ANK2: variants seen among roughly 807,000 people sequenced by gnomAD.
ANK2 encodes ankyrin-2.
ANK2 carries 83 observed loss-of-function variants against 360.5 expected under a neutral mutation model. That is an observed-to-expected ratio of 0.23 (90% CI 0.19 to 0.28). The LOEUF (loss-of-function observed/expected upper bound fraction) is 0.28. ANK2 is among the 10% of genes least tolerant of loss of function. The pLI, the probability that ANK2 is intolerant of heterozygous loss-of-function variation, is 1.00. For missense variants in ANK2, 4,201 were observed against 4,795.7 expected, an observed-to-expected ratio of 0.88 and a Z score of 3.66; for synonymous variants, 1,740 against 1,759.5, an observed-to-expected ratio of 0.99 and a Z score of 0.28.
rs948019225 is a variant in ANK2 at position 113,095,558 on chromosome 4, C to G, written c.84+45746C>G. Among the ~76,000 whole-genome samples, 5 of 152,016 alleles carry G rather than the reference C, an allele frequency of 3.3e-5. No individual in the cohort carries two copies. The South Asian group carries it at 1.0e-3, about 32-fold the overall frequency. On this transcript the variant is annotated intron_variant, in intron 1 of 45. Transcript: ENST00000357077. The stretch of plus-strand genomic sequence containing the variant: ...TTCTGGCATGTCCTATCTCTTTATT[C>G]TTTCTTTCTATTATTCTATTGTTAT...
chr4:112,828,232 C>CTTTTTTT (rs751771907), intron 1 of ANK2, among the ~76,000 whole-genome samples: 9 of 109,576 alleles, frequency 8.2e-5, no homozygotes, highest in East Asian at 2.7e-4. Flanking sequence ...GAATTACGGA[C>CTTTTTTT]TTTTTTTTTT....
In ANK2 at chr4:113,288,400, C is replaced by T; in HGVS notation, c.2191C>T (p.Pro731Ser). Residue 731 changes from proline to serine, a missense_variant, in exon 20 of 46, where the codon CCT becomes TCT. Around this residue, in one of 4 missense-constraint regions of ANK2, gnomAD observed 1,268 missense variants for 1,650.8 expected, o/e 0.77. Transcript: ENST00000357077. ...QDAHTKLGYTPLIVACHYGNV... is the reference protein window; with the variant it reads ...QDAHTKLGYTSLIVACHYGNV... ...TTATTATTTACAGCTTGGTTACACA[C>T]CTTTAATTGTGGCCTGTCACTATGG... is the stretch of plus-strand genomic sequence containing the variant. 1 of 1,613,712 alleles carries T rather than the reference C, an allele frequency of 6.2e-7. No individual in the cohort carries two copies. Among genetic ancestry groups the T allele is most frequent in the Non-Finnish European group, 8.5e-7 (1 of 1,179,710 alleles).
At chr4:113,325,082 G>C (rs2089001348) in intron 26 of ANK2, among the ~76,000 whole-genome samples, 1 of 152,082 alleles carries the variant, frequency 6.6e-6, no homozygotes. Flanking sequence ...TCACAATTTA[G>C]AAAACTTCAA....
chr4:113,264,219 A>G (rs2054637361), intron 13 of ANK2, among the ~76,000 whole-genome samples: 1 of 152,250 alleles, frequency 6.6e-6, no homozygotes, highest in South Asian at 2.1e-4. Flanking sequence ...CAGATACAAA[A>G]TAATATTTTA....
At chr4:113,135,375 ATGGATCCATCAC>A (rs1394513447) in intron 1 of ANK2, among the ~76,000 whole-genome samples, 1 of 151,874 alleles carries the variant, frequency 6.6e-6, no homozygotes, top group Non-Finnish European at 1.5e-5. Flanking sequence ...GGATCTAGTG[ATGGATCCATCAC>A]TGGAAAAGGG....
chr4:113,336,291 G>GA (rs2093518933), intron 30 of ANK2: 1 of 474,076 alleles, frequency 2.1e-6, no homozygotes, highest in Non-Finnish European at 3.5e-6. Flanking sequence ...TTTTCTTCTT[G>GA]TAAAAAAAAA....
At chr4:112,810,182 T>TTTTTTTTTTTTTTTG in the ANK2 span, among the ~76,000 whole-genome samples, 1 of 111,792 alleles carries the variant, frequency 8.9e-6, no homozygotes, top group African/African-American at 3.3e-5. Context: ...TTTTTTTTTT[T>TTTTTTTTTTTTTTTG]GTAGCAATGG....
chr4:113,242,673 AG>A (rs1385250022), intron 9 of ANK2, among the ~76,000 whole-genome samples: 5 of 152,210 alleles, frequency 3.3e-5, no homozygotes, highest in Non-Finnish European at 7.4e-5. Context: ...TGACCTGAGC[AG>A]GGGATTTGCT....
chr4:112,906,446 G>T (rs2085255032), intron 2 of ANK2, among the ~76,000 whole-genome samples: 1 of 152,180 alleles, frequency 6.6e-6, no homozygotes, highest in Admixed American at 6.5e-5. Context: ...GGATAGGGAA[G>T]TTGGGATGAG....
chr4:112,908,672 A>G (rs2086088069), intron 2 of ANK2, among the ~76,000 whole-genome samples: 1 of 152,180 alleles, frequency 6.6e-6, no homozygotes, highest in African/African-American at 2.4e-5. Context: ...AGGGCTTAGG[A>G]CTTATGCCAC....
chr4:113,205,569 T>C (rs889178483), intron 4 of ANK2, among the ~76,000 whole-genome samples: 1 of 152,196 alleles, frequency 6.6e-6, no homozygotes, highest in Non-Finnish European at 1.5e-5. Context: ...TTCCTATTTA[T>C]AACTCAAGGA....
At chr4:112,742,592 C>G in the ANK2 span, among the ~76,000 whole-genome samples, 2 of 152,154 alleles carry the variant, frequency 1.3e-5, no homozygotes, top group African/African-American at 4.8e-5. Flanking sequence ...ATCAGATTTA[C>G]TTTTGCTTCT....
chr4:113,135,039 G>A (rs1288599367), intron 1 of ANK2, among the ~76,000 whole-genome samples: 3 of 152,160 alleles, frequency 2.0e-5, no homozygotes, highest in Non-Finnish European at 4.4e-5. Context: ...AGAATGGAGA[G>A]CTCCACCTGG....
chr4:112,867,755 A>T (rs186892933), intron 1 of ANK2, among the ~76,000 whole-genome samples: 1 of 151,954 alleles, frequency 6.6e-6, no homozygotes, highest in Non-Finnish European at 1.5e-5. Context: ...TTTGTGGCTG[A>T]ATAATATTCC....
chr4:113,191,527 C>T (rs1386394105), intron 2 of ANK2, among the ~76,000 whole-genome samples: 1 of 152,200 alleles, frequency 6.6e-6, no homozygotes, highest in Non-Finnish European at 1.5e-5. Context: ...TACGTTAATA[C>T]TTTTGCTAGC....
chr4:112,781,657 T>A, the ANK2 span, among the ~76,000 whole-genome samples: 12 of 152,070 alleles, frequency 7.9e-5, no homozygotes, highest in Admixed American at 2.0e-4. Flanking sequence ...TTTTTACAGG[T>A]GCTTATTACA....
rs1019733333 is a variant in ANK2 at position 113,309,983 on chromosome 4, C to A, written c.2549-1272C>A. Among the ~76,000 whole-genome samples, 4 of 152,312 alleles carry A rather than the reference C, an allele frequency of 2.6e-5. No individual in the cohort carries two copies. The South Asian group carries it at 6.2e-4, about 24-fold the overall frequency. On this transcript the variant is annotated intron_variant, in intron 23 of 45. Transcript: ENST00000357077. ...GGTTGATTTGCATGTTCTACCTGAT[C>A]AAATGCTGTGTCTTGCTCCTTCAGA...
chr4:113,307,043 A>G (rs977594753), intron 23 of ANK2, among the ~76,000 whole-genome samples: 1 of 152,160 alleles, frequency 6.6e-6, no homozygotes, highest in Non-Finnish European at 1.5e-5. Context: ...GGGCTCAGAG[A>G]TTTTGGCATC....
chr4:113,048,424 T>A (rs1284380006), upstream of ANK2, among the ~76,000 whole-genome samples: 7 of 123,994 alleles, frequency 5.6e-5, no homozygotes, highest in Admixed American at 9.4e-5. Flanking sequence ...TCCCCACACC[T>A]GGCTAATTTT....
Sources: gnomAD v4.1 joint callset for allele counts (sites outside exome capture counted in the v4.1 genomes callset) on GRCh38, gnomAD v4.1.1 for gene constraint, gnomAD v4.1.1 regional missense constraint, MANE v1.5 for transcripts, NCBI Gene and HGNC (gene_info 2026-07-23, HGNC 2026-07-21) for gene names.